MTBP: variants seen among roughly 807,000 people sequenced by gnomAD.
MTBP encodes MDM2 binding protein.
In MTBP, 101 loss-of-function variants were observed where a neutral mutation model predicts 117.0. The observed-to-expected ratio is 0.86, with a 90% CI of 0.73 to 1.02. The LOEUF (loss-of-function observed/expected upper bound fraction) is 1.02, where lower values mean the gene tolerates loss of function less well. Ranked by LOEUF, MTBP falls within the 50% of genes least tolerant of loss-of-function variation. The pLI, the probability that MTBP is intolerant of heterozygous loss-of-function variation, is 0.00. For synonymous variants in MTBP, 350 were observed against 351.5 expected, an observed-to-expected ratio of 1.00 and a Z score of 0.05; for missense variants, 970 against 1,030.9, an observed-to-expected ratio of 0.94 and a Z score of 0.81.
At chr8:120,457,672 C>T (rs960069230) in intron 7 of MTBP, among the ~76,000 whole-genome samples, 6 of 152,138 alleles carry the variant, frequency 3.9e-5, no homozygotes, top group African/African-American at 1.4e-4. Context: ...CGCCTATAAT[C>T]TCAGCACTTT....
intron 15 of MTBP, among the ~76,000 whole-genome samples, chr8:120,503,836 A>G (rs1435809593): frequency 1.3e-5 from 2 of 152,108 alleles, no homozygotes; most frequent in Non-Finnish European, 2.9e-5. Flanking sequence ...AAAGCTTCCT[A>G]TGATGCATTA....
intron 17 of MTBP, among the ~76,000 whole-genome samples, chr8:120,512,867 T>C (rs1814841872): frequency 6.6e-6 from 1 of 152,064 alleles, no homozygotes; most frequent in Non-Finnish European, 1.5e-5. Context: ...CAACATAGAT[T>C]ATGGTGTAGA....
chr8:120,522,582 A>G, intron 20 of MTBP, 72 bp from the exon 21 acceptor site: 1 of 1,008,154 alleles, frequency 9.9e-7, no homozygotes, highest in African/African-American at 1.6e-5. Flanking sequence ...TCTCAAGTGT[A>G]TTTAATAATA....
At chr8:120,511,763 C>T (rs1183607379) in intron 17 of MTBP, among the ~76,000 whole-genome samples, 2 of 152,036 alleles carry the variant, frequency 1.3e-5, no homozygotes, top group East Asian at 1.9e-4. Flanking sequence ...TGAAAACCAA[C>T]AATTCCTTTC....
intron 21 of MTBP, among the ~76,000 whole-genome samples, 191 bp from the exon 22 acceptor site, chr8:120,523,107 C>G (rs1815033305): frequency 6.6e-6 from 1 of 152,058 alleles, no homozygotes; most frequent in Admixed American, 6.6e-5. Context: ...CATTATTGTA[C>G]TCAGTATTGG....
rs537226347 is a variant in MTBP, at chr8:120,492,762, C to T, written c.1447+2192C>T. On this transcript the variant is annotated intron_variant, in intron 13 of 21. Coordinates refer to ENST00000305949, the MANE Select transcript of MTBP (RefSeq NM_022045.5). ...TAACACGAAATAAAATTTGTTAGGGCTTATTTTTTAAAATTAGTTTATTTT... is the reference window on the plus strand; with the variant it reads ...TAACACGAAATAAAATTTGTTAGGGTTTATTTTTTAAAATTAGTTTATTTT... 6.0e-4 allele frequency among the ~76,000 whole-genome samples: 91 copies of T among 152,046 alleles called. 1 individual carries two copies. The highest frequency in any genetic ancestry group is 2.1e-3 in the African/African-American group (86 of 41,490).
chr8:120,499,543 T>C (rs1211931728), intron 14 of MTBP, among the ~76,000 whole-genome samples: 3 of 152,242 alleles, frequency 2.0e-5, no homozygotes, highest in African/African-American at 7.2e-5. Flanking sequence ...TTTAACATCT[T>C]TTGTTGCTTT....
chr8:120,473,539 T>C (rs1227071456), intron 11 of MTBP: 3 of 152,166 alleles, frequency 2.0e-5, no homozygotes, highest in Non-Finnish European at 4.4e-5. Flanking sequence ...ACAATAATTA[T>C]AAGTCTGTTT....
At chr8:120,449,372 AAAGT>A (rs1174616991) in intron 2 of MTBP, among the ~76,000 whole-genome samples, 1 of 152,192 alleles carries the variant, frequency 6.6e-6, no homozygotes, top group Non-Finnish European at 1.5e-5. Flanking sequence ...TGTAAGATGC[AAAGT>A]AAGAAGTAAA....
intron 11 of MTBP, chr8:120,472,674 T>G (rs562730332): frequency 6.6e-6 from 1 of 152,298 alleles, no homozygotes; most frequent in South Asian, 2.1e-4. Context: ...CCATGGTGGC[T>G]CAGGACAAAC....
intron 15 of MTBP, among the ~76,000 whole-genome samples, chr8:120,505,926 T>C (rs1814676922): frequency 6.6e-6 from 1 of 152,192 alleles, no homozygotes; most frequent in Non-Finnish European, 1.5e-5. Flanking sequence ...TGTATCACCC[T>C]GCGTCTGTAA....
intron 7 of MTBP, among the ~76,000 whole-genome samples, chr8:120,457,662 C>G (rs972582486): frequency 2.6e-5 from 4 of 152,112 alleles, no homozygotes; most frequent in African/African-American, 9.7e-5. Context: ...GGGTGGCTCA[C>G]GCCTATAATC....
intron 15 of MTBP, among the ~76,000 whole-genome samples, chr8:120,504,594 A>C (rs1470766608): frequency 6.6e-6 from 1 of 151,962 alleles, no homozygotes; most frequent in African/African-American, 2.4e-5. Flanking sequence ...TATTTTCTTT[A>C]ATGTTCTGAA....
intron 15 of MTBP, among the ~76,000 whole-genome samples, chr8:120,503,539 A>T (rs1301647659): frequency 6.6e-6 from 1 of 152,198 alleles, no homozygotes; most frequent in African/African-American, 2.4e-5. Flanking sequence ...GACCTAACGG[A>T]TAAATGGGTG....
At chr8:120,477,620 G>T (rs950856284) in intron 11 of MTBP, among the ~76,000 whole-genome samples, 1 of 152,148 alleles carries the variant, frequency 6.6e-6, no homozygotes, top group African/African-American at 2.4e-5. Context: ...CTCAGAAAAA[G>T]ACATTTATGC....
chr8:120,463,575 A>G (rs1813624901), intron 9 of MTBP, 117 bp from the exon 10 acceptor site: 3 of 800,790 alleles, frequency 3.7e-6, no homozygotes, highest in Admixed American at 4.9e-5. Context: ...GCTACAGTTA[A>G]ATTTTTTAAT....
intron 16 of MTBP, among the ~76,000 whole-genome samples, chr8:120,508,265 A>G (rs1814730618): frequency 6.6e-6 from 1 of 152,200 alleles, no homozygotes; most frequent in Non-Finnish European, 1.5e-5. Flanking sequence ...TGTATATACC[A>G]AGGAAATAAT....
chr8:120,494,891 C>T (rs1051712207), intron 13 of MTBP, among the ~76,000 whole-genome samples: 8 of 152,230 alleles, frequency 5.3e-5, no homozygotes, highest in Middle Eastern at 3.4e-3. Context: ...CTGCTGCACT[C>T]CTATCATTAA....
chr8:120,475,530 T>TTCAAATTA (rs1563792465), intron 11 of MTBP, among the ~76,000 whole-genome samples: 3 of 151,984 alleles, frequency 2.0e-5, no homozygotes, highest in African/African-American at 7.2e-5. Context: ...AACCATCTGA[T>TTCAAATTA]GTTTTTTTAT....
Sources: gnomAD v4.1 joint callset for allele counts (sites outside exome capture counted in the v4.1 genomes callset) on GRCh38, gnomAD v4.1.1 for gene constraint, MANE v1.5 for transcripts, NCBI Gene and HGNC (gene_info 2026-07-23, HGNC 2026-07-21) for gene names.